Variants in CASK observed in about 807,000 individuals in gnomAD.
CASK encodes the protein calcium/calmodulin dependent serine protein kinase.
In CASK, 4 loss-of-function variants were observed where a neutral mutation model predicts 82.9. The ratio of observed to expected loss-of-function variants is 0.05; its 90% CI spans 0.02 to 0.11. The LOEUF (loss-of-function observed/expected upper bound fraction) is 0.11, where lower values mean the gene tolerates loss of function less well. CASK is among the 10% of genes least tolerant of loss of function. The pLI is 1.00. For synonymous variants in CASK, 259 were observed against 253.5 expected (o/e 1.02, Z -0.20); for missense variants, 358 against 720.9 (o/e 0.50, Z 5.76).
At position 41,536,466 on chromosome X, in the gene CASK, C is replaced by A. The variant is rs192174374; in HGVS notation, c.2156-1493G>T. ...AGAGAACCTTCTACTCCTAGAAACA[C>A]TATGGCCAAATGACTGTGAATATCA... is the stretch of plus-strand genomic sequence containing the variant. On this transcript the variant is annotated intron_variant, in intron 22 of 26. Transcript: ENST00000378163. 5.6e-3 allele frequency among the ~76,000 whole-genome samples: 626 copies of A among 111,258 alleles called. 5 individuals are homozygous for A. The highest frequency in any genetic ancestry group is 0.02 in the African/African-American group (601 of 30,618).
At chrX:41,920,095 CAATT>C (rs2072759108) in intron 1 of CASK, among the ~76,000 whole-genome samples, 1 of 111,165 alleles carries the variant, frequency 9.0e-6, no homozygotes, top group Non-Finnish European at 1.9e-5. Context: ...AGTGGGTAGT[CAATT>C]AGTCTTGAAA....
In CASK at chrX:41,744,482, A is replaced by G. The variant is rs764015791; in HGVS notation, c.356+1042T>C. ...TGCCTCAGCCTCCCGAGTAGCTGGG[A>G]CTACAGGCTCCCGCCACCACGCCCG... On this transcript the variant is annotated intron_variant, in intron 4 of 26. Transcript: ENST00000378163. 1.2e-3 allele frequency among the ~76,000 whole-genome samples: 136 copies of G among 110,099 alleles called. 2 individuals are homozygous for G. Among genetic ancestry groups the G allele is most frequent in the African/African-American group, 4.4e-3 (132 of 30,228 alleles).
intron 2 of CASK, among the ~76,000 whole-genome samples, chrX:41,820,949 A>C (rs890815822): frequency 4.5e-5 from 5 of 111,407 alleles, no homozygotes; most frequent in African/African-American, 1.3e-4. Context: ...CTCTTATGCT[A>C]AAGTGCATCA....
chrX:41,673,748 C>T (rs1216917075), intron 5 of CASK, among the ~76,000 whole-genome samples: 1 of 106,633 alleles, frequency 9.4e-6, no homozygotes, highest in African/African-American at 3.5e-5. Context: ...GGCATGAGAG[C>T]AAGGGGCAGA....
intron 3 of CASK, among the ~76,000 whole-genome samples, chrX:41,774,294 A>G (rs1414513795): frequency 1.8e-5 from 2 of 111,252 alleles, no homozygotes; most frequent in East Asian, 2.9e-4. Context: ...TTATACACCA[A>G]TAACAGACAA....
chrX:41,524,707 T>G (rs933313274), intron 25 of CASK: 1 of 111,545 alleles, frequency 9.0e-6, no homozygotes, highest in Non-Finnish European at 1.9e-5. Context: ...TTCTAAGGCA[T>G]TGAAAACCTC....
At position 41,901,614 on chromosome X, in the gene CASK, T is replaced by G. The variant is rs139228877; in HGVS notation, c.59+21316A>C. Among the ~76,000 whole-genome samples the G allele has an allele frequency of 6.6e-3, 740 of 111,858 alleles. 1 individual carries two copies. Among genetic ancestry groups the G allele is most frequent in the Non-Finnish European group, 0.011 (608 of 53,085 alleles). On this transcript the variant is annotated intron_variant, in intron 1 of 26. Transcript: ENST00000378163. ...AGGGCTGTCTGGCAGGGGGGCTTGC[T>G]GCTGGAGTTTTCAGGTGGGCTATCC...
At chrX:41,851,787 A>C (rs1484610551) in intron 2 of CASK, among the ~76,000 whole-genome samples, 1 of 111,844 alleles carries the variant, frequency 8.9e-6, no homozygotes, top group Non-Finnish European at 1.9e-5. Context: ...TTAAAATTGG[A>C]ATCTTACTAA....
At chrX:41,748,567 T>C (rs977286362) in intron 3 of CASK, 1 of 222,528 alleles carries the variant, frequency 4.5e-6, no homozygotes, top group South Asian at 6.9e-5. Context: ...AGAAGCAAGA[T>C]GAAAACATAT....
intron 2 of CASK, among the ~76,000 whole-genome samples, chrX:41,821,317 A>G (rs1192972802): frequency 1.8e-5 from 2 of 112,041 alleles, no homozygotes; most frequent in African/African-American, 6.5e-5. Flanking sequence ...AATGGCCAAT[A>G]AGTGCAACAT....
chrX:41,740,152 C>T (rs112693309), intron 4 of CASK, among the ~76,000 whole-genome samples: 76 of 111,806 alleles, frequency 6.8e-4, no homozygotes, highest in African/African-American at 2.4e-3. Context: ...TAACTAGCAA[C>T]CATGTGTGAC....
chrX:41,759,930 C>G (rs1280938186), intron 3 of CASK, among the ~76,000 whole-genome samples: 1 of 110,925 alleles, frequency 9.0e-6, no homozygotes, highest in African/African-American at 3.3e-5. Context: ...CCTCTTTTTT[C>G]TTCTTTCTAG....
chrX:41,895,834 C>T (rs1191933512), intron 1 of CASK, among the ~76,000 whole-genome samples: 3 of 111,522 alleles, frequency 2.7e-5, no homozygotes, highest in Non-Finnish European at 5.7e-5. Flanking sequence ...GGAATTGCAG[C>T]TTATGGGCAC....
chrX:41,520,836 G>GA (rs2064626707), intron 26 of CASK, among the ~76,000 whole-genome samples: 2 of 111,979 alleles, frequency 1.8e-5, no homozygotes, highest in Non-Finnish European at 1.9e-5. Flanking sequence ...ACGAACCAGA[G>GA]AAAACAGATA....
At chrX:41,882,110 A>G (rs2071963863) in intron 1 of CASK, among the ~76,000 whole-genome samples, 1 of 111,837 alleles carries the variant, frequency 8.9e-6, no homozygotes, top group African/African-American at 3.2e-5. Context: ...ATTTACTATT[A>G]TTAAGCCTCA....
At position 41,851,577 on chromosome X, in the gene CASK, C is replaced by T. The variant is rs140655386; in HGVS notation, c.172+1538G>A. On this transcript the variant is annotated intron_variant, in intron 2 of 26. Coordinates refer to ENST00000378163, the MANE Select transcript of CASK (RefSeq NM_001367721.1). ...AATGAGAAGGTAAGTAATTGTTTCC[C>T]GAAAGAATGTCTTTAGCCTGGGGAG... Among the ~76,000 whole-genome samples the T allele has an allele frequency of 2.7e-4, 30 of 111,300 alleles. 1 individual carries two copies. The highest frequency in any genetic ancestry group is 8.5e-4 in the African/African-American group (26 of 30,726).
At chrX:41,560,686 T>A (rs1326712390) in intron 17 of CASK, among the ~76,000 whole-genome samples, 1 of 104,037 alleles carries the variant, frequency 9.6e-6, no homozygotes, top group African/African-American at 3.5e-5. Context: ...AGGTCGGGAG[T>A]TCGAGACCAG....
intron 25 of CASK, chrX:41,529,425 G>A: frequency 5.7e-6 from 1 of 176,223 alleles, no homozygotes; most frequent in South Asian, 8.5e-5. Flanking sequence ...GGCGGCGGCA[G>A]CAGCGGAGGC....
At position 41,605,503 on chromosome X, in the gene CASK, G is replaced by A. The variant is rs770620867; in HGVS notation, c.1155+4401C>T. On this transcript the variant is annotated intron_variant, in intron 12 of 26. Transcript: ENST00000378163. ...TGGTCCAGATACTTGGGTGGTTGAG[G>A]TAGGAGGGTGCTTGAGCTCAGAAGG... 4.5e-5 allele frequency among the ~76,000 whole-genome samples: 5 copies of A among 110,623 alleles called. No individual in the cohort carries two copies. In the South Asian group the frequency reaches 1.9e-3, roughly 43 times the overall value.
Sources: allele counts gnomAD v4.1 joint callset (sites outside exome capture counted in the v4.1 genomes callset), GRCh38; gene constraint gnomAD v4.1.1; transcripts MANE v1.5; gene names NCBI Gene and HGNC (gene_info 2026-07-23, HGNC 2026-07-21).